Variants in BNC2 observed in about 807,000 individuals in gnomAD.
The protein encoded by BNC2 is zinc finger protein basonuclin-2.
A neutral mutation model predicts 76.3 loss-of-function variants in BNC2; 20 were observed. That is an observed-to-expected ratio of 0.26 (90% CI 0.18 to 0.38). The LOEUF (loss-of-function observed/expected upper bound fraction) is 0.38. BNC2 is among the 10% of genes least tolerant of loss of function. BNC2 has a pLI of 1.00. For synonymous variants in BNC2, 582 were observed against 514.8 expected, an observed-to-expected ratio of 1.13 and a Z score of -1.77; for missense variants, 1,382 against 1,399.8, an observed-to-expected ratio of 0.99 and a Z score of 0.20.
chr9:16,853,067 T>G (rs1257722740), intron 1 of BNC2, among the ~76,000 whole-genome samples: 2 of 152,148 alleles, frequency 1.3e-5, no homozygotes, highest in Non-Finnish European at 2.9e-5. Flanking sequence ...GATAGTCTTC[T>G]AGGAGTAGTG....
rs71325981 is a variant in BNC2 at position 16,665,387 on chromosome 9, A to AGAGG, written c.330+62409_330+62410insCCTC. Among the ~76,000 whole-genome samples the AGAGG allele has an allele frequency of 8.3e-3, 19 of 2,280 alleles. 1 individual carries two copies. The East Asian group carries it at 0.19, about 23-fold the overall frequency. The allele number at this position is 2,280 out of a possible 152,430, so 1.5% of individuals were successfully genotyped here. The stretch of plus-strand genomic sequence containing the variant: ...CTCTGTCTCAAAAAAAAAAAAAAAA[A>AGAGG]GAGAGAGAGAGAGAGAAAGAGAGAA... On this transcript the variant is annotated intron_variant, in intron 3 of 6. Transcript: ENST00000380672.
At chr9:16,646,367 T>C (rs1357273549) in intron 3 of BNC2, among the ~76,000 whole-genome samples, 1 of 152,198 alleles carries the variant, frequency 6.6e-6, no homozygotes, top group Non-Finnish European at 1.5e-5. Flanking sequence ...ACTCATAAAA[T>C]ATGTCTAAAT....
At chr9:16,638,030 T>G (rs970009968) in intron 3 of BNC2, among the ~76,000 whole-genome samples, 1 of 152,224 alleles carries the variant, frequency 6.6e-6, no homozygotes, top group Non-Finnish European at 1.5e-5. Flanking sequence ...TAGCAATGGA[T>G]GACTCCGAGC....
chr9:16,700,834 G>C (rs1383068294), intron 3 of BNC2, among the ~76,000 whole-genome samples: 106 of 152,078 alleles, frequency 7.0e-4, no homozygotes, highest in Non-Finnish European at 1.6e-4. Context: ...GAGCGTGGTG[G>C]CACACACCTG....
chr9:16,608,647 A>AGGTACTT (rs1820451375), intron 3 of BNC2, among the ~76,000 whole-genome samples: 1 of 152,124 alleles, frequency 6.6e-6, no homozygotes, highest in Admixed American at 6.5e-5. Flanking sequence ...CTGGGACCAC[A>AGGTACTT]GGTGCACACT....
chr9:16,611,649 G>A (rs1476027230), intron 3 of BNC2, among the ~76,000 whole-genome samples: 1 of 152,118 alleles, frequency 6.6e-6, no homozygotes, highest in African/African-American at 2.4e-5. Flanking sequence ...TTTACACTCT[G>A]ATAAAGCAAG....
chr9:16,606,704 C>T (rs1305682157), intron 3 of BNC2, among the ~76,000 whole-genome samples: 2 of 152,026 alleles, frequency 1.3e-5, no homozygotes, highest in African/African-American at 2.4e-5. Flanking sequence ...ATTATAGGCT[C>T]CCGCCACCAT....
At chr9:16,689,746 A>G (rs1053637789) in intron 3 of BNC2, among the ~76,000 whole-genome samples, 1 of 152,198 alleles carries the variant, frequency 6.6e-6, no homozygotes, top group Non-Finnish European at 1.5e-5. Context: ...TTCCAAGCCA[A>G]AAGGAAGACC....
At chr9:16,835,102 C>T (rs1262553194) in intron 1 of BNC2, among the ~76,000 whole-genome samples, 3 of 152,102 alleles carry the variant, frequency 2.0e-5, no homozygotes, top group Non-Finnish European at 4.4e-5. Context: ...GAGTGTTGTG[C>T]AAATATCAAC....
At chr9:16,651,661 A>G (rs1255878565) in intron 3 of BNC2, among the ~76,000 whole-genome samples, 1 of 152,146 alleles carries the variant, frequency 6.6e-6, no homozygotes, top group Non-Finnish European at 1.5e-5. Context: ...TGTTTTATTC[A>G]TGGAAAGTCC....
At chr9:16,579,933 A>G in intron 4 of BNC2, 1 of 396,134 alleles carries the variant, frequency 2.5e-6, no homozygotes, top group East Asian at 3.6e-5. Context: ...AATGACAGGT[A>G]GAATGCATTC....
At chr9:16,477,037 T>C (rs1206194040) in intron 5 of BNC2, among the ~76,000 whole-genome samples, 1 of 152,118 alleles carries the variant, frequency 6.6e-6, no homozygotes, top group Non-Finnish European at 1.5e-5. Context: ...AACCACCATG[T>C]TGCTCCATCA....
intron 1 of BNC2, among the ~76,000 whole-genome samples, chr9:16,777,251 G>C (rs1237763870): frequency 6.6e-6 from 1 of 152,136 alleles, no homozygotes; most frequent in Non-Finnish European, 1.5e-5. Flanking sequence ...GGATGTGGGG[G>C]TATGAACACA....
intron 4 of BNC2, chr9:16,575,505 A>T: frequency 1.1e-6 from 1 of 907,280 alleles, no homozygotes; most frequent in Non-Finnish European, 1.3e-6. Flanking sequence ...AAATTTAAGG[A>T]GTGCAAAGCA....
At position 16,612,149 on chromosome 9, in the gene BNC2, G is replaced by T. The variant is rs1323336122; in HGVS notation, c.331-29064C>A. On this transcript the variant is annotated intron_variant, in intron 3 of 6. Transcript: ENST00000380672. ...AAAGTGTTATATGCAATAAAATGTG[G>T]ACGTCTTTCTTTCTCCCCACATCTG... 2.6e-5 allele frequency among the ~76,000 whole-genome samples: 4 copies of T among 151,718 alleles called. No homozygotes were observed. The East Asian group carries it at 7.7e-4, about 29-fold the overall frequency.
At chr9:16,755,173 C>T (rs1435426115) in intron 1 of BNC2, among the ~76,000 whole-genome samples, 2 of 152,034 alleles carry the variant, frequency 1.3e-5, no homozygotes, top group African/African-American at 2.4e-5. Context: ...GAAAATATTT[C>T]CAAATAAGCA....
chr9:16,768,985 G>T (rs961577304), intron 1 of BNC2, among the ~76,000 whole-genome samples: 1 of 152,294 alleles, frequency 6.6e-6, no homozygotes, highest in Middle Eastern at 3.4e-3. Flanking sequence ...GAAGTAGGTA[G>T]GGGGCGGAAC....
chr9:16,808,079 T>C (rs1157899021), intron 1 of BNC2, among the ~76,000 whole-genome samples: 2 of 152,162 alleles, frequency 1.3e-5, no homozygotes, highest in African/African-American at 4.8e-5. Context: ...ATTATATGAG[T>C]ATTAAAAATG....
intron 1 of BNC2, chr9:16,832,208 AG>A: frequency 9.0e-7 from 1 of 1,109,158 alleles, no homozygotes; most frequent in South Asian, 1.4e-5. Context: ...TAGTCTTCAA[AG>A]GAAAAATATG....
Sources: allele counts gnomAD v4.1 joint callset (sites outside exome capture counted in the v4.1 genomes callset), GRCh38; gene constraint gnomAD v4.1.1; transcripts MANE v1.5; gene names NCBI Gene and HGNC (gene_info 2026-07-23, HGNC 2026-07-21).